The following GABRD variants were observed in gnomAD, a reference collection of about 807,000 sequenced individuals.
GABRD encodes gamma-aminobutyric acid receptor subunit delta.
Under a neutral mutation model 47.3 loss-of-function variants are expected in GABRD, and 25 were observed. The ratio of observed to expected loss-of-function variants is 0.53; its 90% CI spans 0.39 to 0.74. The LOEUF (loss-of-function observed/expected upper bound fraction) is 0.74, where lower values mean the gene tolerates loss of function less well. Ranked by LOEUF, GABRD falls within the 30% of genes least tolerant of loss-of-function variation. The pLI is 0.00. For missense variants in GABRD, 497 were observed against 643.4 expected, an observed-to-expected ratio of 0.77 and a Z score of 2.46; for synonymous variants, 314 against 278.8, an observed-to-expected ratio of 1.13 and a Z score of -1.26.
rs564765572 is a variant in GABRD at position 2,029,837 on chromosome 1, C to T, written c.1059+75C>T. On this transcript the variant is annotated intron_variant, in intron 8 of 8. Coordinates refer to ENST00000378585, the MANE Select transcript of GABRD (RefSeq NM_000815.5). ...AGGACCCTTCAGCTGCCCCAGCCCA[C>T]TGTGGGTCCCAGCTGTGCTCCCTGA... 5.9e-6 allele frequency: 9 copies of T among 1,519,062 alleles called. No homozygotes were observed. In the East Asian group the frequency reaches 1.8e-4, roughly 30 times the overall value. The allele number at this position is 1,519,062 out of a possible 1,614,324, so 94.1% of individuals were successfully genotyped here. A position where few individuals can be genotyped will look rare whatever the true frequency, so the allele number is the denominator to read the frequency against.
At chr1:2,029,486 A>G (rs1380030215) in intron 7 of GABRD, 65 bp from the exon 8 acceptor site, 1 of 1,593,952 alleles carries the variant, frequency 6.3e-7, no homozygotes, top group Non-Finnish European at 8.5e-7. Flanking sequence ...GGTCACAGGC[A>G]TCAAGGCTGG....
At chr1:2,021,372 G>A (rs1226867785) in intron 1 of GABRD, among the ~76,000 whole-genome samples, 1 of 152,140 alleles carries the variant, frequency 6.6e-6, no homozygotes, top group Admixed American at 6.5e-5. Flanking sequence ...CAGACTTAGC[G>A]GGGTGCTGTC....
intron 1 of GABRD, among the ~76,000 whole-genome samples, chr1:2,020,840 G>T (rs765878011): frequency 6.6e-6 from 1 of 152,180 alleles, no homozygotes; most frequent in Non-Finnish European, 1.5e-5. Flanking sequence ...GTCCCGTCCC[G>T]CATGGACGTG....
chr1:2,020,271 G>A (rs1658738792), intron 1 of GABRD, among the ~76,000 whole-genome samples: 1 of 152,224 alleles, frequency 6.6e-6, no homozygotes, highest in African/African-American at 2.4e-5. Flanking sequence ...GCCCCACCAC[G>A]GGGCCTGGCT....
rs754491872 is a variant in GABRD, at chr1:2,025,593, C to T, written c.325C>T (p.Leu109=). The T allele has an allele frequency of 1.2e-6, 2 of 1,612,946 alleles. No individual in the cohort carries two copies. Among genetic ancestry groups the T allele is most frequent in the African/African-American group, 2.7e-5 (2 of 74,942 alleles). Residue 109 remains leucine (L), a synonymous_variant, in exon 4 of 9, where the codon CTG becomes TTG. Coordinates refer to ENST00000378585, the MANE Select transcript of GABRD (RefSeq NM_000815.5). ...RLSYNHTNET[L]GLDSRFVDKL... ...CTCCTACAACCACACCAACGAGACC[C>T]TGGGTCTGGACAGCCGCTTCGTGGA...
In GABRD at chr1:2,030,462, C is replaced by T. The variant is rs952168448; in HGVS notation, c.*180C>T. On this transcript the variant is annotated 3_prime_UTR_variant, in exon 9 of 9. Coordinates refer to ENST00000378585, the MANE Select transcript of GABRD (RefSeq NM_000815.5). ...CCTGAGCTCTGACCCCAGCCTCACC[C>T]GAAAGGCCAGCCTGGGGCTCTCCGG... is the stretch of plus-strand genomic sequence containing the variant. 16 of 501,376 alleles carry T rather than the reference C, an allele frequency of 3.2e-5. No individual in the cohort carries two copies. Among genetic ancestry groups the T allele is most frequent in the Middle Eastern group, 5.3e-4 (1 of 1,900 alleles). The allele number at this position is 501,376 out of a possible 1,614,324, so 31.1% of individuals were successfully genotyped here.
chr1:2,028,965 C>T lies in GABRD; in HGVS notation c.692-146C>T. On this transcript the variant is annotated intron_variant, in intron 6 of 8. Transcript: ENST00000378585. This position sits in a 1 kb window ranked among gnomAD's most constrained non-coding sequence, Gnocchi z 6.4. ...CCGGAGGCCCCCTGACATTTCAGGC[C>T]ATGTGGTTGGTGGGGAGGGCAGGGG... 1 of 1,001,896 alleles carries T rather than the reference C, an allele frequency of 1.0e-6. No individual in the cohort carries two copies. Among genetic ancestry groups the T allele is most frequent in the Non-Finnish European group, 1.4e-6 (1 of 694,926 alleles). The allele number at this position is 1,001,896 out of a possible 1,614,324, so 62.1% of individuals were successfully genotyped here. A position where few individuals can be genotyped will look rare whatever the true frequency, so the allele number is the denominator to read the frequency against.
intron 4 of GABRD, among the ~76,000 whole-genome samples, chr1:2,026,366 C>T (rs1045499658): frequency 1.3e-5 from 2 of 152,236 alleles, no homozygotes; most frequent in Middle Eastern, 3.2e-3. Context: ...CGATGGCCCA[C>T]GGCAGGGGCG....
chr1:2,021,649 T>C (rs1413048028), intron 1 of GABRD, among the ~76,000 whole-genome samples: 2 of 152,160 alleles, frequency 1.3e-5, no homozygotes, highest in African/African-American at 2.4e-5. Context: ...GCCGACTGCA[T>C]GCCCGCGTGG....
intron 4 of GABRD, chr1:2,026,745 G>A (rs1254422493): frequency 2.6e-5 from 4 of 151,956 alleles, no homozygotes; most frequent in Non-Finnish European, 5.9e-5. Flanking sequence ...TGAGGCAGGA[G>A]AATGGTGTGA....
rs768220667 is a variant in GABRD at position 2,029,983 on chromosome 1, A to G, written c.1060A>G (p.Met354Val). 2 of 1,612,424 alleles carry G rather than the reference A, an allele frequency of 1.2e-6. No individual in the cohort carries two copies. The highest frequency in any genetic ancestry group is 2.7e-5 in the African/African-American group (2 of 74,932). Reference sequence around the variant, plus strand: ...GTCTCCCCCACCGGCCTTCGTGCAGATGGACGTGAGGAACGCCATTGTCCT... The same window carrying G: ...GTCTCCCCCACCGGCCTTCGTGCAGGTGGACGTGAGGAACGCCATTGTCCT... ...KVKVSRPRAE[M>V]DVRNAIVLFS... Residue 354 changes from methionine to valine, a missense_variant and splice_region_variant, in exon 9 of 9, where the codon ATG (methionine) becomes GTG (valine). Coordinates refer to ENST00000378585, the MANE Select transcript of GABRD (RefSeq NM_000815.5).
At position 2,030,059 on chromosome 1, in the gene GABRD, G is replaced by A. The variant is rs369490217; in HGVS notation, c.1136G>A (p.Arg379Gln). ...GVTQELAISR[R>Q]QRRVPGNLMG... ...ACGCAGGAGCTGGCCATCTCCCGCC[G>A]GCAGCGCCGCGTCCCGGGGAACCTG... The change falls in exon 9 of 9, where the codon CGG becomes CAG. Residue 379 changes from arginine (R) to glutamine (Q), a missense_variant. By Grantham distance (43) the Arg-to-Gln change is conservative. Coordinates refer to ENST00000378585, the MANE Select transcript of GABRD (RefSeq NM_000815.5). 1.0e-4 allele frequency: 166 copies of A among 1,611,452 alleles called. No individual in the cohort carries two copies. Among genetic ancestry groups the A allele is most frequent in the South Asian group, 4.2e-4 (38 of 90,898 alleles).
intron 1 of GABRD, among the ~76,000 whole-genome samples, chr1:2,020,740 C>T (rs758237110): frequency 2.6e-5 from 4 of 152,334 alleles, no homozygotes; most frequent in East Asian, 1.9e-4. Context: ...CCCAGGCCCA[C>T]GGCCACTTAG....
intron 7 of GABRD, 106 bp from the exon 8 acceptor site, chr1:2,029,445 G>C: frequency 1.3e-6 from 2 of 1,498,200 alleles, no homozygotes; most frequent in East Asian, 2.3e-5. Flanking sequence ...GGGTGGGCAT[G>C]GGGGTGGGGG....
rs1167376297 is a variant in GABRD at position 2,028,722 on chromosome 1, C to T, written c.692-389C>T. 2.6e-5 allele frequency among the ~76,000 whole-genome samples: 4 copies of T among 152,220 alleles called. No homozygotes were observed. The highest frequency in any genetic ancestry group is 2.1e-4 in the South Asian group (1 of 4,832). On this transcript the variant is annotated intron_variant, in intron 6 of 8. Transcript: ENST00000378585. This position sits in a 1 kb window ranked among gnomAD's most constrained non-coding sequence, Gnocchi z 6.4. ...TTCCCACCCCTACGCACCCCGTCCC[C>T]GGTCATCCAGAGCCAGTGAGCCCAG...
intron 4 of GABRD, chr1:2,027,068 G>C (rs1294871642): frequency 2.3e-5 from 5 of 215,584 alleles, no homozygotes; most frequent in African/African-American, 9.5e-5. Context: ...GAGGTGGGAG[G>C]ATTACCCACC....
chr1:2,030,255 C>A lies in GABRD; in HGVS notation c.1332C>A (p.Val444=). The change falls in exon 9 of 9, where the codon GTC becomes GTA. Residue 444 remains valine, a synonymous_variant. Coordinates refer to ENST00000378585, the MANE Select transcript of GABRD (RefSeq NM_000815.5). ...VFPAAFAAVN[V]IYWAAYAM ...CTGCGGCGTTTGCGGCCGTCAATGT[C>A]ATCTACTGGGCGGCATACGCCATGT... The A allele has an allele frequency of 6.4e-7, 1 of 1,558,504 alleles. No individual in the cohort carries two copies. Among genetic ancestry groups the A allele is most frequent in the Non-Finnish European group, 8.7e-7 (1 of 1,148,352 alleles).
intron 1 of GABRD, 29 bp downstream of exon 1, chr1:2,019,520 G>C: frequency 1.8e-6 from 2 of 1,101,798 alleles, no homozygotes; most frequent in South Asian, 8.8e-5. Flanking sequence ...CGCGGCGCGG[G>C]GTCGGGGGCG....
At chr1:2,025,109 G>A (rs1658883097) in intron 2 of GABRD, 55 bp downstream of exon 2, 16 of 1,453,392 alleles carry the variant, frequency 1.1e-5, no homozygotes, top group Admixed American at 3.7e-5. Context: ...AGGCTAGGCC[G>A]TGGCTGTGTG....
Sources: allele counts gnomAD v4.1 joint callset (sites outside exome capture counted in the v4.1 genomes callset), GRCh38; gene constraint gnomAD v4.1.1; non-coding constraint Gnocchi (gnomAD v3.1); transcripts MANE v1.5; gene names NCBI Gene and HGNC (gene_info 2026-07-23, HGNC 2026-07-21).